The following SLC17A6 variants were observed in gnomAD, a reference collection of about 807,000 sequenced individuals.
SLC17A6 encodes the protein solute carrier family 17 member 6.
A neutral mutation model predicts 67.1 loss-of-function variants in SLC17A6; 35 were observed. The ratio of observed to expected loss-of-function variants is 0.52; its 90% CI spans 0.40 to 0.69. The LOEUF is 0.69. Among genes scored for constraint, SLC17A6 ranks in the 30% least tolerant of loss-of-function variants. SLC17A6 has a pLI of 0.00. For synonymous variants in SLC17A6, 285 were observed against 252.3 expected (o/e 1.13, Z -1.23); for missense variants, 588 against 723.9 (o/e 0.81, Z 2.15).
At chr11:22,343,446 A>G (rs948253709) in intron 3 of SLC17A6, 81 bp downstream of exon 3, 3 of 1,255,144 alleles carry the variant, frequency 2.4e-6, no homozygotes, top group East Asian at 2.3e-5. Context: ...AGCAGAGACA[A>G]CAGCCCAGAG....
At chr11:22,361,654 T>C (rs1376510114) in intron 5 of SLC17A6, among the ~76,000 whole-genome samples, 3 of 152,200 alleles carry the variant, frequency 2.0e-5, no homozygotes, top group Non-Finnish European at 4.4e-5. Flanking sequence ...TTAATGAACA[T>C]GTATTAAAGC....
intron 3 of SLC17A6, among the ~76,000 whole-genome samples, chr11:22,351,286 G>A (rs1009978030): frequency 2.7e-4 from 41 of 152,014 alleles, no homozygotes; most frequent in African/African-American, 9.2e-4. Flanking sequence ...GGCTTGTCAT[G>A]TGGATAGATT....
At chr11:22,372,814 T>C (rs1308542108) in intron 8 of SLC17A6, among the ~76,000 whole-genome samples, 3 of 152,226 alleles carry the variant, frequency 2.0e-5, no homozygotes. Flanking sequence ...ATGAATGATC[T>C]TTAGGAAGGT....
intron 1 of SLC17A6, among the ~76,000 whole-genome samples, chr11:22,341,306 A>C (rs1266616348): frequency 3.9e-5 from 6 of 152,166 alleles, no homozygotes; most frequent in Admixed American, 1.3e-4. Context: ...AAGGTGTTAA[A>C]GTTGAAGAGA....
chr11:22,374,840 A>G lies in SLC17A6; in HGVS notation c.1127A>G (p.Lys376Arg). 1 of 1,613,852 alleles carries G rather than the reference A, an allele frequency of 6.2e-7. No individual in the cohort carries two copies. The highest frequency in any genetic ancestry group is 8.5e-7 in the Non-Finnish European group (1 of 1,179,914). The change falls in exon 9 of 12, where the codon AAG (lysine) becomes AGG (arginine). Residue 376 changes from lysine (K) to arginine (R), a missense_variant. Coordinates refer to ENST00000263160, the MANE Select transcript of SLC17A6 (RefSeq NM_020346.3). ...CAAATTGCAGATTTTCTAAGAAGCA[A>G]GCAGATTCTTTCAACTACGACAGTG... ...GGQIADFLRS[K>R]QILSTTTVRK...
chr11:22,375,914 T>A, intron 9 of SLC17A6, 68 bp from the exon 10 acceptor site: 1 of 984,538 alleles, frequency 1.0e-6, no homozygotes, highest in Non-Finnish European at 1.6e-6. Context: ...GGAACATTTT[T>A]AGCAGTTTTG....
chr11:22,346,796 C>A (rs907162561), intron 3 of SLC17A6, among the ~76,000 whole-genome samples: 1 of 147,544 alleles, frequency 6.8e-6, no homozygotes, highest in African/African-American at 2.5e-5. Flanking sequence ...TGTTTAATGG[C>A]ATAAATAGCA....
chr11:22,359,322 C>A (rs962078477), intron 3 of SLC17A6, 91 bp from the exon 4 acceptor site: 4 of 677,518 alleles, frequency 5.9e-6, no homozygotes, highest in Non-Finnish European at 8.8e-6. Context: ...TTTTTTATTA[C>A]TTTAAATGTT....
At chr11:22,351,318 T>C (rs1370555628) in intron 3 of SLC17A6, among the ~76,000 whole-genome samples, 1 of 152,104 alleles carries the variant, frequency 6.6e-6, no homozygotes, top group Non-Finnish European at 1.5e-5. Flanking sequence ...AGGTTTAGGC[T>C]TCTAGGGTAC....
chr11:22,341,485 C>A (rs200233268), intron 1 of SLC17A6, 43 bp from the exon 2 acceptor site: 28 of 1,597,556 alleles, frequency 1.8e-5, no homozygotes, highest in Non-Finnish European at 2.4e-5. Flanking sequence ...TCGGGGGTAC[C>A]TAAGCCGCCA....
intron 8 of SLC17A6, among the ~76,000 whole-genome samples, chr11:22,372,233 CAT>C (rs972853902): frequency 6.6e-5 from 10 of 151,460 alleles, no homozygotes; most frequent in Admixed American, 3.3e-4. Flanking sequence ...AAAATTGTAA[CAT>C]AGATTTTATA....
chr11:22,366,566 T>C (rs1391960816), intron 7 of SLC17A6, among the ~76,000 whole-genome samples: 4 of 152,240 alleles, frequency 2.6e-5, no homozygotes, highest in African/African-American at 7.2e-5. Context: ...TTTTTTCTGA[T>C]GATTTGATTT....
At position 22,378,559 on chromosome 11, in the gene SLC17A6, G is replaced by GAA. The variant is rs3993089; in HGVS notation, c.*826_*827dup. 0.2 allele frequency: 30,681 copies of GAA among 151,252 alleles called. 3,161 individuals are homozygous for GAA. The highest frequency in any genetic ancestry group is 0.24 in the East Asian group (1,212 of 5,150). The allele number at this position is 151,252 out of a possible 1,614,324, so 9.4% of individuals were successfully genotyped here. ...TTTGTACTGGTTGTAACTTGCATTA[G>GAA]AAAAAAAAGAGATATATACACCACA... On this transcript the variant is annotated 3_prime_UTR_variant, in exon 12 of 12. Coordinates refer to ENST00000263160, the MANE Select transcript of SLC17A6 (RefSeq NM_020346.3).
intron 4 of SLC17A6, among the ~76,000 whole-genome samples, chr11:22,360,034 T>C (rs955646640): frequency 4.6e-5 from 7 of 152,090 alleles, no homozygotes; most frequent in Non-Finnish European, 1.0e-4. Context: ...AAAACTCGAG[T>C]TCGGCTTACC....
At chr11:22,364,258 C>T (rs906765367) in intron 6 of SLC17A6, among the ~76,000 whole-genome samples, 2 of 151,948 alleles carry the variant, frequency 1.3e-5, no homozygotes, top group Non-Finnish European at 2.9e-5. Context: ...GTATCTGGCA[C>T]TTTAGGTGAA....
chr11:22,365,752 A>C (rs1856105041), intron 7 of SLC17A6, 63 bp downstream of exon 7: 2 of 1,515,250 alleles, frequency 1.3e-6, no homozygotes, highest in East Asian at 4.7e-5. Context: ...TTGACCAACC[A>C]AACTATCTTA....
At chr11:22,366,547 G>C (rs1856114874) in intron 7 of SLC17A6, among the ~76,000 whole-genome samples, 1 of 152,032 alleles carries the variant, frequency 6.6e-6, no homozygotes, top group Non-Finnish European at 1.5e-5. Context: ...AGACAATGTT[G>C]TGAAGCCCTT....
intron 3 of SLC17A6, among the ~76,000 whole-genome samples, chr11:22,347,591 T>C (rs1365278591): frequency 3.9e-5 from 6 of 152,218 alleles, no homozygotes; most frequent in African/African-American, 1.4e-4. Context: ...ATGCAAATGG[T>C]TTATTTCTAG....
At position 22,343,376 on chromosome 11, in the gene SLC17A6, A is replaced by G; in HGVS notation, c.458+11A>G. 2 of 1,601,362 alleles carry G rather than the reference A, an allele frequency of 1.2e-6. No individual in the cohort carries two copies. The highest frequency in any genetic ancestry group is 4.5e-5 in the East Asian group (2 of 44,764). On this transcript the variant is annotated intron_variant, in intron 3 of 11. Coordinates refer to ENST00000263160, the MANE Select transcript of SLC17A6 (RefSeq NM_020346.3). The stretch of plus-strand genomic sequence containing the variant: ...GCTGGCAGCCAACAGGTAATGCGCC[A>G]GGCGGGACTGGGGCTCGGGGCGTGG...
Sources: gnomAD v4.1 joint callset for allele counts (sites outside exome capture counted in the v4.1 genomes callset) on GRCh38, gnomAD v4.1.1 for gene constraint, MANE v1.5 for transcripts, NCBI Gene and HGNC (gene_info 2026-07-23, HGNC 2026-07-21) for gene names.